NFIB: variants seen among roughly 807,000 people sequenced by gnomAD.
NFIB encodes nuclear factor 1 B-type.
A neutral mutation model predicts 61.5 loss-of-function variants in NFIB; 11 were observed. The ratio of observed to expected loss-of-function variants is 0.18; its 90% CI spans 0.11 to 0.30. The LOEUF is 0.30. NFIB is among the 10% of genes least tolerant of loss of function. The pLI, the probability that NFIB is intolerant of heterozygous loss-of-function variation, is 1.00. For missense variants in NFIB, 471 were observed against 608.9 expected, an observed-to-expected ratio of 0.77 and a Z score of 2.38; for synonymous variants, 260 against 216.5, an observed-to-expected ratio of 1.20 and a Z score of -1.76.
At chr9:14,245,297 C>T (rs1563939571) in intron 2 of NFIB, among the ~76,000 whole-genome samples, 1 of 152,134 alleles carries the variant, frequency 6.6e-6, no homozygotes, top group Non-Finnish European at 1.5e-5. Flanking sequence ...TAATAATATG[C>T]CTCCTTCTTT....
At chr9:14,399,780 A>G (rs1045621854), upstream of NFIB, among the ~76,000 whole-genome samples, 7 of 152,182 alleles carry the variant, frequency 4.6e-5, no homozygotes, top group African/African-American at 7.2e-5. Flanking sequence ...AGTTGCATAT[A>G]TCTTCTAGGT....
intron 6 of NFIB, among the ~76,000 whole-genome samples, chr9:14,135,024 T>C (rs1387347142): frequency 6.6e-6 from 1 of 151,178 alleles, no homozygotes; most frequent in East Asian, 1.9e-4. Context: ...AATACATTCA[T>C]AGAAATAGAA....
At chr9:14,400,557 C>A (rs1326653237), upstream of NFIB, among the ~76,000 whole-genome samples, 2 of 152,090 alleles carry the variant, frequency 1.3e-5, no homozygotes, top group Non-Finnish European at 2.9e-5. Context: ...AGTTAAGCCA[C>A]CAGCTAAGAA....
At chr9:14,311,480 G>T (rs2060275159) in intron 1 of NFIB, among the ~76,000 whole-genome samples, 1 of 151,988 alleles carries the variant, frequency 6.6e-6, no homozygotes, top group Non-Finnish European at 1.5e-5. Context: ...CCTGGTGTAG[G>T]CCTTGTTTTA....
At chr9:14,473,875 G>C in the NFIB span, among the ~76,000 whole-genome samples, 8 of 152,170 alleles carry the variant, frequency 5.3e-5, no homozygotes, top group South Asian at 1.7e-3. Context: ...CAAATGCATG[G>C]CTTATTTTCA....
chr9:14,516,034 T>A, the NFIB span, among the ~76,000 whole-genome samples: 1 of 152,236 alleles, frequency 6.6e-6, no homozygotes, highest in African/African-American at 2.4e-5. Flanking sequence ...CCAAAGCCAT[T>A]GGCGAGCACC....
At chr9:14,467,402 T>C in the NFIB span, among the ~76,000 whole-genome samples, 2 of 151,842 alleles carry the variant, frequency 1.3e-5, no homozygotes, top group Non-Finnish European at 2.9e-5. Context: ...TGGGGACGCA[T>C]GAGTGGGTGA....
intron 1 of NFIB, among the ~76,000 whole-genome samples, chr9:14,398,293 A>C (rs1282757613): frequency 6.6e-6 from 1 of 152,158 alleles, no homozygotes; most frequent in East Asian, 1.9e-4. Context: ...AAACATCTAC[A>C]ATTTATCCCC....
the NFIB span, among the ~76,000 whole-genome samples, chr9:14,420,877 T>A: frequency 1.8e-3 from 278 of 152,332 alleles, 1 homozygote; most frequent in African/African-American, 6.5e-3. Context: ...ATTGCCATAA[T>A]TCAATTAACA....
intron 3 of NFIB, among the ~76,000 whole-genome samples, chr9:14,163,171 T>C (rs1364643002): frequency 2.0e-5 from 3 of 151,838 alleles, no homozygotes; most frequent in Non-Finnish European, 4.4e-5. Context: ...AAAGAAAAAG[T>C]AGAATTTCCA....
the NFIB span, among the ~76,000 whole-genome samples, chr9:14,443,777 G>GTA: frequency 6.6e-6 from 1 of 152,068 alleles, no homozygotes; most frequent in South Asian, 2.1e-4. Flanking sequence ...TCTCACAATA[G>GTA]ACTGTAATAT....
At chr9:14,179,682 T>A in intron 3 of NFIB, 45 bp downstream of exon 3, 1 of 1,606,104 alleles carries the variant, frequency 6.2e-7, no homozygotes, top group Non-Finnish European at 8.5e-7. Context: ...GTACCTTTGT[T>A]CTCCAACAAT....
chr9:14,168,498 C>T (rs1399767202), intron 3 of NFIB, among the ~76,000 whole-genome samples: 1 of 152,110 alleles, frequency 6.6e-6, no homozygotes, highest in Non-Finnish European at 1.5e-5. Flanking sequence ...ACACGGCTAA[C>T]GCTAAAGGCA....
At chr9:14,243,965 G>A (rs2054618302) in intron 2 of NFIB, among the ~76,000 whole-genome samples, 1 of 152,212 alleles carries the variant, frequency 6.6e-6, no homozygotes, top group Non-Finnish European at 1.5e-5. Context: ...ACCGTATACT[G>A]TAGTTATCAC....
chr9:14,385,342 T>C (rs759999308), intron 1 of NFIB, among the ~76,000 whole-genome samples: 10 of 152,222 alleles, frequency 6.6e-5, no homozygotes, highest in Non-Finnish European at 1.5e-4. Context: ...ACTTTCAAAC[T>C]GCCTTCTTCT....
At chr9:14,090,979 GTAAC>G (rs2033812227) in intron 10 of NFIB, among the ~76,000 whole-genome samples, 1 of 151,960 alleles carries the variant, frequency 6.6e-6, no homozygotes. Flanking sequence ...ATTGATGCTA[GTAAC>G]TAACAGGACT....
chr9:14,522,109 ATTT>A, the NFIB span, among the ~76,000 whole-genome samples: 1 of 152,170 alleles, frequency 6.6e-6, no homozygotes, highest in Admixed American at 6.6e-5. Context: ...TGATTGATTG[ATTT>A]TTTAATTAAT....
intron 2 of NFIB, among the ~76,000 whole-genome samples, chr9:14,216,490 C>T (rs2050877017): frequency 8.9e-6 from 1 of 112,326 alleles, no homozygotes; most frequent in East Asian, 2.6e-4. Flanking sequence ...GTTCTCCATT[C>T]TTTCTCTCTC....
rs1040061984 is a variant in NFIB at position 14,245,464 on chromosome 9, GA to G, written c.562+61524del. On this transcript the variant is annotated intron_variant, in intron 2 of 10. Transcript: ENST00000380953. ...AACCAGGACAGAACAAAACAAAACA[GA>G]AAAAAAAAACCAACGGCAACAAAAA... Among the ~76,000 whole-genome samples the G allele has an allele frequency of 8.9e-5, 13 of 145,290 alleles. No individual in the cohort carries two copies. The East Asian group carries it at 2.0e-3, about 22-fold the overall frequency.
Sources: gnomAD v4.1 joint callset for allele counts (sites outside exome capture counted in the v4.1 genomes callset) on GRCh38, gnomAD v4.1.1 for gene constraint, MANE v1.5 for transcripts, NCBI Gene and HGNC (gene_info 2026-07-23, HGNC 2026-07-21) for gene names.